The following LPIN1 variants were observed in gnomAD, a reference collection of about 807,000 sequenced individuals.
The protein encoded by LPIN1 is lipin 1, also known as phosphatidate phosphatase LPIN1.
LPIN1 carries 71 observed loss-of-function variants against 107.5 expected under a neutral mutation model. The observed-to-expected ratio is 0.66, with a 90% CI of 0.55 to 0.80. The LOEUF is 0.80. Among genes scored for constraint, LPIN1 ranks in the 30% least tolerant of loss-of-function variants. The pLI, the probability that LPIN1 is intolerant of heterozygous loss-of-function variation, is 0.00. For missense variants in LPIN1, 1,043 were observed against 1,160.6 expected, an observed-to-expected ratio of 0.90 and a Z score of 1.47; for synonymous variants, 445 against 452.6, an observed-to-expected ratio of 0.98 and a Z score of 0.21.
At chr2:11,773,596 TTA>T in intron 4 of LPIN1, 22 bp from the exon 5 acceptor site, 1 of 1,602,324 alleles carries the variant, frequency 6.2e-7, no homozygotes, top group Non-Finnish European at 8.5e-7. Flanking sequence ...TTCTTTGACT[TTA>T]ATCTTTTTTT....
intron 14 of LPIN1, among the ~76,000 whole-genome samples, chr2:11,795,890 A>G (rs2577265): frequency 0.017 from 2,654 of 152,300 alleles, 79 homozygotes; most frequent in African/African-American, 0.061. Context: ...CTTTCTCTGT[A>G]ATTTAAATAC....
chr2:11,787,263 A>G, intron 11 of LPIN1, 96 bp downstream of exon 11: 1 of 887,218 alleles, frequency 1.1e-6, no homozygotes, highest in South Asian at 1.4e-5. Flanking sequence ...AGAAATATAT[A>G]AAATAAAGAC....
chr2:11,682,189 A>C (rs938677965), intron 1 of LPIN1: 2 of 152,356 alleles, frequency 1.3e-5, no homozygotes, highest in Non-Finnish European at 2.9e-5. Context: ...CTCCTCCTGC[A>C]GGTGAGCCGT....
chr2:11,750,120 C>T (rs977313645), intron 1 of LPIN1, among the ~76,000 whole-genome samples: 1 of 152,154 alleles, frequency 6.6e-6, no homozygotes, highest in Non-Finnish European at 1.5e-5. Context: ...AGCCCTCGCA[C>T]CTCTCCCCTT....
chr2:11,739,703 C>T (rs1359540575), intron 1 of LPIN1, among the ~76,000 whole-genome samples: 1 of 152,178 alleles, frequency 6.6e-6, no homozygotes, highest in Non-Finnish European at 1.5e-5. Flanking sequence ...ACAAAACTGA[C>T]AATGTCCCGT....
chr2:11,773,576 T>A (rs199870976), intron 4 of LPIN1, 44 bp from the exon 5 acceptor site: 29 of 1,560,688 alleles, frequency 1.9e-5, no homozygotes, highest in Admixed American at 5.0e-5. Flanking sequence ...TATGAATCTA[T>A]CATTAAGAAT....
intron 1 of LPIN1, among the ~76,000 whole-genome samples, chr2:11,752,972 C>T (rs186705126): frequency 1.1e-4 from 16 of 152,260 alleles, no homozygotes; most frequent in African/African-American, 3.6e-4. Flanking sequence ...TGACAGTGTC[C>T]GCAGTGCTGT....
At position 11,825,109 on chromosome 2, in the gene LPIN1, G is replaced by A. The variant is rs753470017; in HGVS notation, c.*318G>A. On this transcript the variant is annotated 3_prime_UTR_variant, in exon 21 of 21. Coordinates refer to ENST00000674199, the MANE Select transcript of LPIN1 (RefSeq NM_001349206.2). The surrounding 1 kb of genome is among the most constrained non-coding windows in gnomAD (Gnocchi z 4.1). The stretch of plus-strand genomic sequence containing the variant: ...GCAAGTAGCTACTGGTTCACGTGCA[G>A]TTTGGGGCTGTGAAACCTAGGCAGA... 40 of 394,994 alleles carry A rather than the reference G, an allele frequency of 1.0e-4. No individual in the cohort carries two copies. In the Middle Eastern group the frequency reaches 3.2e-3, roughly 32 times the overall value. 24.5% of individuals were successfully genotyped at this position (394,994 alleles called of 1,614,324 possible). A position where few individuals can be genotyped will look rare whatever the true frequency, so the allele number is the denominator to read the frequency against.
chr2:11,779,278 T>A (rs1376023482), intron 6 of LPIN1, among the ~76,000 whole-genome samples: 1 of 152,128 alleles, frequency 6.6e-6, no homozygotes, highest in Non-Finnish European at 1.5e-5. Context: ...CTTCTTTTTC[T>A]CCTCTCCCCC....
chr2:11,712,658 T>C (rs542333806), intron 1 of LPIN1, among the ~76,000 whole-genome samples: 1 of 152,212 alleles, frequency 6.6e-6, no homozygotes, highest in South Asian at 2.1e-4. Flanking sequence ...TGAGGTGGGG[T>C]GCAGGGCCAA....
chr2:11,782,478 A>C lies in LPIN1; in HGVS notation c.1235A>C (p.Asn412Thr). The change falls in exon 8 of 21, where the codon AAC becomes ACC. Residue 412 changes from asparagine (N) to threonine (T), a missense_variant. Asn to Thr is a moderately conservative substitution (Grantham distance 65, BLOSUM62 0). Transcript: ENST00000674199. ...PPSASVVQTA[N>T]KTDSPSRKRD... is the part of the protein sequence containing the mutation. ...TCTGCCAGTGTAGTCCAGACAGCAA[A>C]CAAGACGGATTCTCCTTCCAGGAAA... 6.2e-7 allele frequency: 1 copy of C among 1,614,144 alleles called. No homozygotes were observed. The highest frequency in any genetic ancestry group is 8.5e-7 in the Non-Finnish European group (1 of 1,180,026).
chr2:11,712,248 T>C (rs1386164631), intron 1 of LPIN1, among the ~76,000 whole-genome samples: 3 of 152,258 alleles, frequency 2.0e-5, no homozygotes, highest in African/African-American at 7.2e-5. Flanking sequence ...GAATATGCTC[T>C]CTGCTCTGCC....
chr2:11,792,079 T>A, intron 13 of LPIN1, 73 bp downstream of exon 13: 1 of 1,259,406 alleles, frequency 7.9e-7, no homozygotes, highest in Non-Finnish European at 1.1e-6. Context: ...GGTTTTCATG[T>A]ACTTACATCA....
intron 1 of LPIN1, among the ~76,000 whole-genome samples, chr2:11,686,808 G>T (rs780710621): frequency 6.6e-6 from 1 of 151,982 alleles, no homozygotes; most frequent in African/African-American, 2.4e-5. Context: ...GTGATTAATC[G>T]ATATGGGTCC....
chr2:11,747,229 G>C (rs567120237), intron 1 of LPIN1, among the ~76,000 whole-genome samples: 2 of 152,314 alleles, frequency 1.3e-5, no homozygotes, highest in African/African-American at 2.4e-5. Context: ...TTGGAATCCC[G>C]GTTCTCATAT....
chr2:11,714,473 G>A (rs1663602447), intron 2 of LPIN1, among the ~76,000 whole-genome samples: 2 of 152,148 alleles, frequency 1.3e-5, no homozygotes. Context: ...TGGGTGGGGG[G>A]ATATTTTGTT....
At chr2:11,822,504 G>C (rs530055587) in intron 20 of LPIN1, among the ~76,000 whole-genome samples, 1 of 151,816 alleles carries the variant, frequency 6.6e-6, no homozygotes, top group African/African-American at 2.4e-5. Flanking sequence ...GTCAAAGGAG[G>C]CAAGGAGGAT....
rs149535716 is a variant in LPIN1 at position 11,683,599 on chromosome 2, C to T, written c.81+5871C>T. Among the ~76,000 whole-genome samples the T allele has an allele frequency of 1.2e-3, 180 of 152,280 alleles. No homozygotes were observed. The East Asian group carries it at 0.02, about 17-fold the overall frequency. On this transcript the variant is annotated intron_variant, in intron 1 of 21. Coordinates refer to the LPIN1 transcript ENST00000449576. ...CTTTTACTCTGGGAAGTAACGGGTC[C>T]GCCCTTCTTTGTCCCTGCCTCCTGC...
intron 1 of LPIN1, among the ~76,000 whole-genome samples, chr2:11,688,199 G>C (rs775019257): frequency 2.0e-5 from 3 of 152,196 alleles, no homozygotes; most frequent in Non-Finnish European, 4.4e-5. Context: ...AACTGCTGGA[G>C]ATAAAAGGAC....
Sources: gnomAD v4.1 joint callset for allele counts (sites outside exome capture counted in the v4.1 genomes callset) on GRCh38, gnomAD v4.1.1 for gene constraint, Gnocchi (gnomAD v3.1) non-coding constraint, MANE v1.5 for transcripts, NCBI Gene and HGNC (gene_info 2026-07-23, HGNC 2026-07-21) for gene names.